Variants in MSI2 observed in about 807,000 individuals in gnomAD.
MSI2 encodes RNA-binding protein Musashi homolog 2.
MSI2 carries 17 observed loss-of-function variants against 45.6 expected under a neutral mutation model. The ratio of observed to expected loss-of-function variants is 0.37; its 90% CI spans 0.26 to 0.56. MSI2 has a LOEUF of 0.56. Ranked by LOEUF, MSI2 falls within the 20% of genes least tolerant of loss-of-function variation. MSI2 has a pLI of 0.77. For missense variants in MSI2, 293 were observed against 444.2 expected, an observed-to-expected ratio of 0.66 and a Z score of 3.06; for synonymous variants, 156 against 158.2, an observed-to-expected ratio of 0.99 and a Z score of 0.11.
At chr17:57,526,354 T>TGG (rs1330364230) in intron 6 of MSI2, among the ~76,000 whole-genome samples, 41 of 128,122 alleles carry the variant, frequency 3.2e-4, no homozygotes, top group African/African-American at 9.4e-4. Flanking sequence ...CTGATATACC[T>TGG]GGGTGTGTGT....
At chr17:57,460,148 T>C (rs2085197809) in intron 6 of MSI2, among the ~76,000 whole-genome samples, 2 of 149,744 alleles carry the variant, frequency 1.3e-5, no homozygotes, top group South Asian at 4.2e-4. Flanking sequence ...AATAAATAAA[T>C]AAATAAATAA....
At position 57,258,312 on chromosome 17, in the gene MSI2, T is replaced by C; in HGVS notation, c.228T>C (p.Asp76=). The change falls in exon 4 of 14, where the codon GAT becomes GAC. Residue 76 remains aspartate, a synonymous_variant. Transcript: ENST00000284073. ...FVTFADPASV[D]KVLGQPHHEL... ...CGTTCGCAGACCCAGCAAGTGTAGA[T>C]AAAGTATTAGGTCAGCCCCACCATG... 6.2e-7 allele frequency: 1 copy of C among 1,614,204 alleles called. No individual in the cohort carries two copies. The highest frequency in any genetic ancestry group is 1.3e-5 in the African/African-American group (1 of 75,044).
At position 57,552,309 on chromosome 17, in the gene MSI2, G is replaced by C. The variant is rs1407196564; in HGVS notation, c.454+22585G>C. 6.6e-6 allele frequency among the ~76,000 whole-genome samples: 1 copy of C among 152,190 alleles called. No homozygotes were observed. The highest frequency in any genetic ancestry group is 1.5e-5 in the Non-Finnish European group (1 of 68,034). ...GTCTGTAATTCCTGACTCCCTTCCT[G>C]AGAGAGTCCTGGGAACTGAGCTTGG... On this transcript the variant is annotated intron_variant, in intron 7 of 13. Coordinates refer to ENST00000284073, the MANE Select transcript of MSI2 (RefSeq NM_138962.4). The surrounding 1 kb of genome is among the most constrained non-coding windows in gnomAD (Gnocchi z 4.3).
At chr17:57,334,686 C>T (rs1394218719) in intron 5 of MSI2, among the ~76,000 whole-genome samples, 1 of 151,746 alleles carries the variant, frequency 6.6e-6, no homozygotes, top group Non-Finnish European at 1.5e-5. Flanking sequence ...CCCAGGTACT[C>T]GGGAGGCTGA....
At chr17:57,404,943 A>C (rs1349975332) in intron 6 of MSI2, among the ~76,000 whole-genome samples, 1 of 152,158 alleles carries the variant, frequency 6.6e-6, no homozygotes, top group Non-Finnish European at 1.5e-5. Flanking sequence ...AAGCGTGGCC[A>C]CTGGCATAAG....
At chr17:57,258,401 C>G in intron 4 of MSI2, 47 bp downstream of exon 4, 1 of 1,482,390 alleles carries the variant, frequency 6.7e-7, no homozygotes, top group Non-Finnish European at 9.4e-7. Context: ...CAGGAACGAT[C>G]TGGGCATTGA....
At chr17:57,305,360 G>C (rs1775382778) in intron 5 of MSI2, among the ~76,000 whole-genome samples, 1 of 152,148 alleles carries the variant, frequency 6.6e-6, no homozygotes, top group Admixed American at 6.5e-5. Context: ...ATTGTTCTCT[G>C]GGGCCCTTTT....
At chr17:57,422,350 C>A (rs1234266868) in intron 6 of MSI2, among the ~76,000 whole-genome samples, 1 of 152,154 alleles carries the variant, frequency 6.6e-6, no homozygotes, top group Non-Finnish European at 1.5e-5. Context: ...GTCTCAGCTA[C>A]TCAGGAGGCT....
intron 6 of MSI2, among the ~76,000 whole-genome samples, chr17:57,435,250 G>A (rs113072054): frequency 6.6e-6 from 1 of 152,268 alleles, no homozygotes; most frequent in Non-Finnish European, 1.5e-5. Context: ...AGATATGGGA[G>A]GTAGTCATTC....
chr17:57,665,200 T>A (rs1912277561), intron 11 of MSI2, among the ~76,000 whole-genome samples: 1 of 152,116 alleles, frequency 6.6e-6, no homozygotes, highest in African/African-American at 2.4e-5. Context: ...ACCAAGGGGT[T>A]TTTGTCCTCA....
intron 6 of MSI2, among the ~76,000 whole-genome samples, chr17:57,453,306 G>T (rs1416972872): frequency 6.6e-6 from 1 of 152,004 alleles, no homozygotes; most frequent in Non-Finnish European, 1.5e-5. Context: ...TGGCCTGAGG[G>T]GCTTCTTGCT....
Position 57,346,009 on chromosome 17 carries a change from C to T in MSI2, c.313-55370C>T, listed in dbSNP as rs140275560. On this transcript the variant is annotated intron_variant, in intron 5 of 13. Coordinates refer to ENST00000284073, the MANE Select transcript of MSI2 (RefSeq NM_138962.4). ...ATAGGTAGGTAGCGGTTGAACAAGA[C>T]GGAGAAAGAGAAGGTGAAAGGTGAG... 1.3e-3 allele frequency among the ~76,000 whole-genome samples: 203 copies of T among 152,130 alleles called. 1 individual carries two copies. Among genetic ancestry groups the T allele is most frequent in the Admixed American group, 2.6e-3 (39 of 15,290 alleles).
intron 5 of MSI2, chr17:57,268,065 A>C (rs1291856163): frequency 6.6e-6 from 1 of 152,150 alleles, no homozygotes; most frequent in Non-Finnish European, 1.5e-5. Flanking sequence ...TTTCCACAGC[A>C]CTTACCTTTT....
At chr17:57,613,561 T>C (rs1598452134) in intron 8 of MSI2, among the ~76,000 whole-genome samples, 1 of 152,194 alleles carries the variant, frequency 6.6e-6, no homozygotes, top group African/African-American at 2.4e-5. Flanking sequence ...TGTATAAATT[T>C]ATGGCTTTTG....
chr17:57,604,196 G>C (rs1050547852), intron 8 of MSI2, among the ~76,000 whole-genome samples: 2 of 152,230 alleles, frequency 1.3e-5, no homozygotes, highest in African/African-American at 4.8e-5. Flanking sequence ...CTATAAAACA[G>C]GTTGTGGTAG....
intron 10 of MSI2, among the ~76,000 whole-genome samples, chr17:57,645,092 A>G (rs115129737): frequency 6.6e-6 from 1 of 152,130 alleles, no homozygotes; most frequent in Non-Finnish European, 1.5e-5. Flanking sequence ...AAAGACCCCA[A>G]AGCTTCCTCT....
intron 5 of MSI2, among the ~76,000 whole-genome samples, chr17:57,392,170 A>G (rs1277724946): frequency 6.6e-6 from 1 of 152,052 alleles, no homozygotes; most frequent in Non-Finnish European, 1.5e-5. Flanking sequence ...TCATCTCTCT[A>G]CCTTTGTCGG....
At chr17:57,589,400 C>A (rs1904614616) in intron 7 of MSI2, among the ~76,000 whole-genome samples, 1 of 152,214 alleles carries the variant, frequency 6.6e-6, no homozygotes, top group South Asian at 2.1e-4. Flanking sequence ...CCTCCCCATG[C>A]CTGCCATGCA....
intron 5 of MSI2, among the ~76,000 whole-genome samples, chr17:57,289,852 A>G (rs1452833838): frequency 6.6e-6 from 1 of 152,250 alleles, no homozygotes; most frequent in African/African-American, 2.4e-5. Context: ...GTTGGTGGGA[A>G]GCTCAGAGAC....
Sources: allele counts gnomAD v4.1 joint callset (sites outside exome capture counted in the v4.1 genomes callset), GRCh38; gene constraint gnomAD v4.1.1; non-coding constraint Gnocchi (gnomAD v3.1); transcripts MANE v1.5; gene names NCBI Gene and HGNC (gene_info 2026-07-23, HGNC 2026-07-21).